Variants in HTRA3 observed in about 807,000 individuals in gnomAD.
The protein encoded by HTRA3 is serine protease HTRA3.
A neutral mutation model predicts 43.2 loss-of-function variants in HTRA3; 41 were observed. The ratio of observed to expected loss-of-function variants is 0.95; its 90% CI spans 0.74 to 1.23. HTRA3 has a LOEUF of 1.23. Ranked by LOEUF, HTRA3 falls within the 50% of genes most tolerant of loss-of-function variation. The pLI, the probability that HTRA3 is intolerant of heterozygous loss-of-function variation, is 0.00. For missense variants in HTRA3, 628 were observed against 647.1 expected (o/e 0.97, Z 0.32); for synonymous variants, 295 against 287.9 (o/e 1.02, Z -0.25).
chr4:8,303,866 CCTT>C lies in HTRA3; in HGVS notation c.1101-315_1101-313del, dbSNP rs544845152. Among the ~76,000 whole-genome samples, 73 of 152,266 alleles carry C rather than the reference CCTT, an allele frequency of 4.8e-4. 2 individuals carry two copies. The highest frequency in any genetic ancestry group is 4.0e-3 in the Admixed American group (61 of 15,298). ...CAGCATTGCCTGTCTGTCCATTTCT[CCTT>C]CTATCCACCCATCCAGCATCATTCC... On this transcript the variant is annotated intron_variant, in intron 7 of 8. Transcript: ENST00000307358.
Position 8,291,558 on chromosome 4 carries a change from C to T in HTRA3, c.897C>T (p.Ile299=). 1 of 1,584,642 alleles carries T rather than the reference C, an allele frequency of 6.3e-7. No individual in the cohort carries two copies. Among genetic ancestry groups the T allele is most frequent in the Non-Finnish European group, 8.6e-7 (1 of 1,163,308 alleles). The change falls in exon 4 of 9, where the codon ATC becomes ATT. Residue 299 remains isoleucine (I), a synonymous_variant. Transcript: ENST00000307358. The part of the protein sequence containing the change: ...SDMDYIQTDA[I]INYGNSGGPL... ...TGGACTACATCCAGACGGATGCCATCATCAACGTGAGTCCCAGGGACAGGA... is the reference window on the plus strand; with the variant it reads ...TGGACTACATCCAGACGGATGCCATTATCAACGTGAGTCCCAGGGACAGGA...
At chr4:8,304,129 C>A in intron 7 of HTRA3, 55 bp from the exon 8 acceptor site, 2 of 1,480,334 alleles carry the variant, frequency 1.4e-6, no homozygotes, top group Admixed American at 1.7e-5. Context: ...CAGCTTCATA[C>A]CAAAGAGCTG....
Position 8,294,167 on chromosome 4 carries a change from G to C in HTRA3, c.1017G>C (p.Arg339=). Residue 339 remains arginine, a synonymous_variant, in exon 6 of 9, where the codon CGG becomes CGC. Coordinates refer to ENST00000307358, the MANE Select transcript of HTRA3 (RefSeq NM_053044.5). ...SFAIPSDRIT[R]FLTEFQDKQI... ...CCATCCCCTCAGACCGCATCACACGGTTCCTCACAGAGTTCCAAGACAAGC... is the reference window on the plus strand; with the variant it reads ...CCATCCCCTCAGACCGCATCACACGCTTCCTCACAGAGTTCCAAGACAAGC... 1 of 1,612,330 alleles carries C rather than the reference G, an allele frequency of 6.2e-7. No homozygotes were observed. The highest frequency in any genetic ancestry group is 8.5e-7 in the Non-Finnish European group (1 of 1,179,214).
In HTRA3 at chr4:8,287,313, C is replaced by T. The variant is rs935343959; in HGVS notation, c.708+530C>T. 7.2e-5 allele frequency among the ~76,000 whole-genome samples: 11 copies of T among 152,312 alleles called. No homozygotes were observed. In the East Asian group the frequency reaches 7.7e-4, roughly 11 times the overall value. On this transcript the variant is annotated intron_variant, in intron 3 of 8. Transcript: ENST00000307358. ...TCTGGAAGGCCTGCTCTCAGCCAGG[C>T]GCTGACTGCACTCCTCTAATTCTCA...
chr4:8,286,803 G>A lies in HTRA3; in HGVS notation c.708+20G>A, dbSNP rs985821223. 4 of 1,585,334 alleles carry A rather than the reference G, an allele frequency of 2.5e-6. No homozygotes were observed. The Admixed American group carries it at 6.7e-5, about 27-fold the overall frequency. On this transcript the variant is annotated intron_variant, in intron 3 of 8. Coordinates refer to ENST00000307358, the MANE Select transcript of HTRA3 (RefSeq NM_053044.5). This position sits in a 1 kb window ranked among gnomAD's most constrained non-coding sequence, Gnocchi z 4.9. ...CCCAAGGTGGGTGGGCGTGGGTGGA[G>A]GGGCGGAAGCACCTGGGGCTGGGCA...
At position 8,306,287 on chromosome 4, in the gene HTRA3, C is replaced by T. The variant is rs1320903346; in HGVS notation, c.*151C>T. The T allele has an allele frequency of 2.6e-5, 21 of 811,100 alleles. No individual in the cohort carries two copies. The highest frequency in any genetic ancestry group is 3.7e-5 in the Non-Finnish European group (20 of 547,056). The allele number at this position is 811,100 out of a possible 1,614,324, so 50.2% of individuals were successfully genotyped here. On this transcript the variant is annotated 3_prime_UTR_variant, in exon 9 of 9. Coordinates refer to ENST00000307358, the MANE Select transcript of HTRA3 (RefSeq NM_053044.5). The surrounding 1 kb of genome is among the most constrained non-coding windows in gnomAD (Gnocchi z 8.9). Reference sequence around the variant, plus strand: ...GGGCAGAGCGGAGGCTGGGCTTGGCCAGGGGCCCGAATTTCCGCCTGGGGA... The same window carrying T: ...GGGCAGAGCGGAGGCTGGGCTTGGCTAGGGGCCCGAATTTCCGCCTGGGGA...
chr4:8,272,060 C>T (rs1231828289), intron 1 of HTRA3, among the ~76,000 whole-genome samples: 1 of 152,150 alleles, frequency 6.6e-6, no homozygotes, highest in Admixed American at 6.5e-5. Context: ...CTGGGCCTGC[C>T]CGTTGCAGCC....
intron 1 of HTRA3, among the ~76,000 whole-genome samples, chr4:8,272,103 C>T (rs567506317): frequency 3.3e-5 from 5 of 152,296 alleles, no homozygotes; most frequent in Non-Finnish European, 5.9e-5. Context: ...CTCCCCACCC[C>T]GCTCCCCACC....
Position 8,291,517 on chromosome 4 carries a change from C to T in HTRA3, c.856C>T (p.Leu286Phe), listed in dbSNP as rs772150262. The change falls in exon 4 of 9, where the codon CTC becomes TTC. Residue 286 changes from leucine (L) to phenylalanine (F), a missense_variant. Transcript: ENST00000307358. Reference sequence around the variant, plus strand: ...CCAGCGGGAGGGCAGGGAGCTGGGCCTCCGGGACTCCGACATGGACTACAT... The same window carrying T: ...CCAGCGGGAGGGCAGGGAGCTGGGCTTCCGGGACTCCGACATGGACTACAT... ...TAQREGRELGLRDSDMDYIQT... is the reference protein window; with the variant it reads ...TAQREGRELGFRDSDMDYIQT... 3.1e-6 allele frequency: 5 copies of T among 1,611,236 alleles called. No individual in the cohort carries two copies. Among genetic ancestry groups the T allele is most frequent in the African/African-American group, 1.3e-5 (1 of 74,896 alleles).
At position 8,273,607 on chromosome 4, in the gene HTRA3, C is replaced by CG. The variant is rs1301653815; in HGVS notation, c.385+3257dup. On this transcript the variant is annotated intron_variant, in intron 1 of 8. Coordinates refer to ENST00000307358, the MANE Select transcript of HTRA3 (RefSeq NM_053044.5). ...GACTTCGGGCCCTATCTCCAGCCCC[C>CG]GGGTCTCTCCTGAGTTAGAGTCACG... Among the ~76,000 whole-genome samples, 3 of 151,996 alleles carry CG rather than the reference C, an allele frequency of 2.0e-5. No individual in the cohort carries two copies. The South Asian group carries it at 6.2e-4, about 32-fold the overall frequency.
At chr4:8,303,280 G>A (rs1023885111) in intron 7 of HTRA3, among the ~76,000 whole-genome samples, 2 of 152,142 alleles carry the variant, frequency 1.3e-5, no homozygotes, top group African/African-American at 2.4e-5. Context: ...TGGTGGGACC[G>A]CCCCACCCCA....
At chr4:8,273,632 G>A (rs967287225) in intron 1 of HTRA3, among the ~76,000 whole-genome samples, 14 of 151,026 alleles carry the variant, frequency 9.3e-5, no homozygotes, top group Non-Finnish European at 1.8e-4. Context: ...TTAGAGTCAC[G>A]TGGAGATGCC....
intron 7 of HTRA3, among the ~76,000 whole-genome samples, chr4:8,303,113 AG>A (rs1335306741): frequency 7.9e-5 from 12 of 152,222 alleles, no homozygotes; most frequent in Admixed American, 6.5e-4. Context: ...TTTCCAAACA[AG>A]GTCACATTCT....
In HTRA3 at chr4:8,279,697, C is replaced by A. The variant is rs753769739; in HGVS notation, c.386-2740C>A. On this transcript the variant is annotated intron_variant, in intron 1 of 8. Transcript: ENST00000307358. This position sits in a 1 kb window ranked among gnomAD's most constrained non-coding sequence, Gnocchi z 7.4. Reference sequence around the variant, plus strand: ...TCCTTCTGCTGTGTTCACACTGGGCCCAGGTCCCTGTGTGCCGTGGCTGCC... The same window carrying A: ...TCCTTCTGCTGTGTTCACACTGGGCACAGGTCCCTGTGTGCCGTGGCTGCC... 6.6e-6 allele frequency among the ~76,000 whole-genome samples: 1 copy of A among 152,166 alleles called. No homozygotes were observed. Among genetic ancestry groups the A allele is most frequent in the Non-Finnish European group, 1.5e-5 (1 of 68,028 alleles).
At chr4:8,303,963 C>G (rs1232943876) in intron 7 of HTRA3, among the ~76,000 whole-genome samples, 1 of 152,220 alleles carries the variant, frequency 6.6e-6, no homozygotes, top group Non-Finnish European at 1.5e-5. Context: ...TACCCACTCT[C>G]TCTCCTCTCT....
At chr4:8,300,246 A>G (rs1447301732) in intron 6 of HTRA3, among the ~76,000 whole-genome samples, 1 of 152,202 alleles carries the variant, frequency 6.6e-6, no homozygotes, top group Non-Finnish European at 1.5e-5. Context: ...TTTTGTATTC[A>G]GATAAGGAGG....
intron 3 of HTRA3, among the ~76,000 whole-genome samples, chr4:8,288,002 G>C (rs1382874442): frequency 6.6e-6 from 1 of 152,228 alleles, no homozygotes; most frequent in Admixed American, 6.5e-5. Flanking sequence ...GCTTCCCTTG[G>C]ACTGGGAAGT....
intron 2 of HTRA3, among the ~76,000 whole-genome samples, chr4:8,283,975 C>A (rs116363875): frequency 6.6e-6 from 1 of 152,234 alleles, no homozygotes; most frequent in African/African-American, 2.4e-5. Context: ...CCCTCCCCAT[C>A]CCGGGCTCTC....
At position 8,296,109 on chromosome 4, in the gene HTRA3, T is replaced by C. The variant is rs1218559634; in HGVS notation, c.1051+1908T>C. 2 of 1,011,334 alleles carry C rather than the reference T, an allele frequency of 2.0e-6. No homozygotes were observed. The highest frequency in any genetic ancestry group is 2.4e-6 in the Non-Finnish European group (2 of 847,570). The allele number at this position is 1,011,334 out of a possible 1,614,324, so 62.6% of individuals were successfully genotyped here. A position where few individuals can be genotyped will look rare whatever the true frequency, so the allele number is the denominator to read the frequency against. The stretch of plus-strand genomic sequence containing the variant: ...GTGCCTTTGACTTTGGCCTCCTTAC[T>C]GGAAATTAGCGGAGCTGCTGTTTGC... On this transcript the variant is annotated intron_variant, in intron 6 of 8. Coordinates refer to ENST00000307358, the MANE Select transcript of HTRA3 (RefSeq NM_053044.5). The surrounding 1 kb of genome is among the most constrained non-coding windows in gnomAD (Gnocchi z 5.3).
Sources: gnomAD v4.1 joint callset for allele counts (sites outside exome capture counted in the v4.1 genomes callset) on GRCh38, gnomAD v4.1.1 for gene constraint, Gnocchi (gnomAD v3.1) non-coding constraint, MANE v1.5 for transcripts, NCBI Gene and HGNC (gene_info 2026-07-23, HGNC 2026-07-21) for gene names.